RREB1: variants seen among roughly 807,000 people sequenced by gnomAD.
RREB1 encodes ras responsive element binding protein 1.
In RREB1, 27 loss-of-function variants were observed where a neutral mutation model predicts 117.8. The ratio of observed to expected loss-of-function variants is 0.23; its 90% CI spans 0.17 to 0.32. The LOEUF (loss-of-function observed/expected upper bound fraction) is 0.32. Ranked by LOEUF, RREB1 falls within the 10% of genes least tolerant of loss-of-function variation. RREB1 has a pLI of 1.00. For missense variants in RREB1, 2,577 were observed against 2,378.2 expected (o/e 1.08, Z -1.74); for synonymous variants, 1,298 against 1,026.7 (o/e 1.26, Z -5.05).
intron 1 of RREB1, among the ~76,000 whole-genome samples, chr6:7,163,433 C>G (rs898583407): frequency 6.6e-6 from 1 of 152,004 alleles, no homozygotes. Context: ...GCTCTGTTGC[C>G]CAGGCTGGAG....
chr6:7,133,617 A>G (rs1762239799), intron 1 of RREB1, among the ~76,000 whole-genome samples: 1 of 152,206 alleles, frequency 6.6e-6, no homozygotes, highest in Non-Finnish European at 1.5e-5. Context: ...AAGAAGGAAT[A>G]TGAAGAAAAA....
At chr6:7,131,128 C>T (rs1001922783) in intron 1 of RREB1, among the ~76,000 whole-genome samples, 3 of 149,126 alleles carry the variant, frequency 2.0e-5, no homozygotes, top group Non-Finnish European at 3.0e-5. Context: ...TTAGTAGAGA[C>T]GGGGTTTCAC....
chr6:7,213,468 C>T (rs963065353), intron 8 of RREB1: 2 of 152,226 alleles, frequency 1.3e-5, no homozygotes, highest in Non-Finnish European at 2.9e-5. Flanking sequence ...TGCTCAGCCC[C>T]AAAGCCTGCC....
At position 7,159,199 on chromosome 6, in the gene RREB1, G is replaced by A. The variant is rs544332463; in HGVS notation, c.-284-17456G>A. Among the ~76,000 whole-genome samples, 10 of 152,194 alleles carry A rather than the reference G, an allele frequency of 6.6e-5. No individual in the cohort carries two copies. The East Asian group carries it at 1.3e-3, about 21-fold the overall frequency. Reference sequence around the variant, plus strand: ...ACTTATTGCAAAACAAACATTCTCCGTAAGACCACCCTCTATTCTGTGACC... The same window carrying A: ...ACTTATTGCAAAACAAACATTCTCCATAAGACCACCCTCTATTCTGTGACC... On this transcript the variant is annotated intron_variant, in intron 1 of 12. Coordinates refer to ENST00000379938, the MANE Select transcript of RREB1 (RefSeq NM_001003699.4).
chr6:7,122,108 TA>T (rs1236614247), intron 1 of RREB1, among the ~76,000 whole-genome samples: 1 of 152,202 alleles, frequency 6.6e-6, no homozygotes, highest in African/African-American at 2.4e-5. Context: ...TTTTCTCTAA[TA>T]TCATCCGAAT....
At chr6:7,169,234 A>T (rs370364937) in intron 1 of RREB1, among the ~76,000 whole-genome samples, 2 of 152,124 alleles carry the variant, frequency 1.3e-5, no homozygotes, top group South Asian at 4.1e-4. Context: ...AGGGCAGGGG[A>T]GCTGCTCAAC....
At chr6:7,143,079 A>G (rs1762691097) in intron 1 of RREB1, among the ~76,000 whole-genome samples, 1 of 152,200 alleles carries the variant, frequency 6.6e-6, no homozygotes, top group Non-Finnish European at 1.5e-5. Flanking sequence ...AGCCACTGGG[A>G]TTTTTGGGGA....
chr6:7,239,318 A>T (rs1768537489), intron 10 of RREB1, among the ~76,000 whole-genome samples: 1 of 152,144 alleles, frequency 6.6e-6, no homozygotes, highest in Admixed American at 6.5e-5. Context: ...GGACTCCAGC[A>T]ACTTGGGGGA....
At chr6:7,132,804 T>A (rs1215628507) in intron 1 of RREB1, among the ~76,000 whole-genome samples, 1 of 139,724 alleles carries the variant, frequency 7.2e-6, no homozygotes, top group Non-Finnish European at 1.6e-5. Flanking sequence ...GTGTCTGGTA[T>A]ACAATGTCAA....
At chr6:7,227,490 G>A (rs569374883) in intron 9 of RREB1, among the ~76,000 whole-genome samples, 11 of 148,516 alleles carry the variant, frequency 7.4e-5, no homozygotes, top group Non-Finnish European at 1.3e-4. Context: ...GCAGTGAGTC[G>A]AGATCGCGCC....
intron 1 of RREB1, among the ~76,000 whole-genome samples, chr6:7,134,468 G>A (rs1762271598): frequency 6.6e-6 from 1 of 152,118 alleles, no homozygotes; most frequent in Admixed American, 6.5e-5. Flanking sequence ...ATGTTATTTG[G>A]ACATTCTAGA....
chr6:7,192,358 A>G (rs1014538235), intron 6 of RREB1, among the ~76,000 whole-genome samples: 31 of 151,366 alleles, frequency 2.0e-4, no homozygotes, highest in African/African-American at 7.5e-4. Context: ...ACTCCTGGCT[A>G]ATTTTTGTAT....
intron 1 of RREB1, among the ~76,000 whole-genome samples, chr6:7,151,669 A>G (rs567367985): frequency 5.6e-4 from 85 of 152,362 alleles, no homozygotes; most frequent in African/African-American, 1.9e-3. Context: ...GCCAATGGGC[A>G]GCAGCCCCAC....
At chr6:7,136,904 T>C (rs891144307) in intron 1 of RREB1, among the ~76,000 whole-genome samples, 2 of 152,210 alleles carry the variant, frequency 1.3e-5, no homozygotes, top group South Asian at 2.1e-4. Flanking sequence ...ATCCCCCTTA[T>C]GTGAGGTGGC....
At chr6:7,130,646 T>C (rs1028394027) in intron 1 of RREB1, among the ~76,000 whole-genome samples, 4 of 151,926 alleles carry the variant, frequency 2.6e-5, no homozygotes, top group African/African-American at 9.7e-5. Flanking sequence ...AGATGGAGTC[T>C]TGCTCTGTCA....
rs568482711 is a variant in RREB1, at chr6:7,245,320, G to A, written c.3974-1104G>A. Among the ~76,000 whole-genome samples the A allele has an allele frequency of 2.0e-5, 3 of 152,256 alleles. No homozygotes were observed. The East Asian group carries it at 5.8e-4, about 29-fold the overall frequency. On this transcript the variant is annotated intron_variant, in intron 11 of 12. Transcript: ENST00000379938. ...TGAGGCAGGAGAATTGCTTGAACCC[G>A]GGAGGTGGAGGTTGCAGTGAGTGGA...
chr6:7,182,318 C>A (rs1705790943), intron 4 of RREB1, among the ~76,000 whole-genome samples: 1 of 151,942 alleles, frequency 6.6e-6, no homozygotes, highest in Admixed American at 6.6e-5. Flanking sequence ...TTATTTTTGG[C>A]CCCACCATTG....
chr6:7,208,937 A>T (rs1766427716), intron 6 of RREB1, among the ~76,000 whole-genome samples: 1 of 152,166 alleles, frequency 6.6e-6, no homozygotes. Flanking sequence ...GAGTTGGTGC[A>T]CATAGGTCGG....
intron 6 of RREB1, among the ~76,000 whole-genome samples, chr6:7,205,335 A>C (rs2113604036): frequency 6.6e-6 from 1 of 152,326 alleles, no homozygotes; most frequent in Admixed American, 6.5e-5. Context: ...CTGGTGTTCT[A>C]GGAGACTGAC....
Sources: allele counts gnomAD v4.1 joint callset (sites outside exome capture counted in the v4.1 genomes callset), GRCh38; gene constraint gnomAD v4.1.1; transcripts MANE v1.5; gene names NCBI Gene and HGNC (gene_info 2026-07-23, HGNC 2026-07-21).